The following PCDHGA7 variants were observed in gnomAD, a reference collection of about 807,000 sequenced individuals.
PCDHGA7 encodes the protein protocadherin gamma-A7.
A neutral mutation model predicts 58.3 loss-of-function variants in PCDHGA7; 44 were observed. The ratio of observed to expected loss-of-function variants is 0.75; its 90% CI spans 0.59 to 0.97. PCDHGA7 has a LOEUF of 0.97. Among genes scored for constraint, PCDHGA7 ranks in the 50% least tolerant of loss-of-function variants. The pLI is 0.00. For synonymous variants in PCDHGA7, 516 were observed against 504.2 expected (o/e 1.02, Z -0.31); for missense variants, 1,266 against 1,188.7 (o/e 1.06, Z -0.96).
At chr5:141,410,697 T>G in intron 1 of PCDHGA7, 1 of 1,489,152 alleles carries the variant, frequency 6.7e-7, no homozygotes, top group Non-Finnish European at 9.0e-7. Context: ...TACTTTATTT[T>G]CATATCTAGA....
chr5:141,503,417 A>T (rs1431276679), intron 2 of PCDHGA7, among the ~76,000 whole-genome samples: 2 of 151,968 alleles, frequency 1.3e-5, no homozygotes, highest in Non-Finnish European at 2.9e-5. Flanking sequence ...CAATATGGTG[A>T]AACCCCATCT....
intron 1 of PCDHGA7, chr5:141,394,518 A>C (rs1256235757): frequency 6.2e-7 from 1 of 1,614,094 alleles, no homozygotes; most frequent in Non-Finnish European, 8.5e-7. Flanking sequence ...CGCCCTCCCC[A>C]CAGACGGTTC....
intron 1 of PCDHGA7, chr5:141,413,569 G>A: frequency 1.2e-6 from 2 of 1,613,846 alleles, no homozygotes; most frequent in Non-Finnish European, 1.7e-6. Context: ...TGATATCAAT[G>A]ACAATGCTCC....
At position 141,500,368 on chromosome 5, in the gene PCDHGA7, C is replaced by T. The variant is rs181410708; in HGVS notation, c.2484-5025C>T. Among the ~76,000 whole-genome samples, 364 of 152,050 alleles carry T rather than the reference C, an allele frequency of 2.4e-3. 3 individuals carry two copies. The highest frequency in any genetic ancestry group is 9.2e-3 in the Admixed American group (140 of 15,274). ...GGACTACAGGCGCCCACTACCACGCCCGGCTAATTATTTTGTATTTTTAGT... is the reference window on the plus strand; with the variant it reads ...GGACTACAGGCGCCCACTACCACGCTCGGCTAATTATTTTGTATTTTTAGT... On this transcript the variant is annotated intron_variant, in intron 2 of 3. Transcript: ENST00000518325.
At chr5:141,504,135 C>G (rs758903340) in intron 2 of PCDHGA7, among the ~76,000 whole-genome samples, 215 of 152,306 alleles carry the variant, frequency 1.4e-3, no homozygotes, top group Middle Eastern at 3.4e-3. Context: ...CCCGCCAACA[C>G]TCCCCTGCAA....
chr5:141,510,862 C>CATTCA, intron 3 of PCDHGA7, 85 bp from the exon 4 acceptor site: 1 of 1,606,772 alleles, frequency 6.2e-7, no homozygotes, highest in South Asian at 1.1e-5. Flanking sequence ...GCTGTATAGG[C>CATTCA]ATTCATTAAC....
At chr5:141,408,702 T>C (rs769871063) in intron 1 of PCDHGA7, 6 of 1,613,208 alleles carry the variant, frequency 3.7e-6, no homozygotes, top group South Asian at 3.3e-5. Flanking sequence ...ATAAACTCAA[T>C]TAAAGATTAT....
At chr5:141,422,683 G>A in intron 1 of PCDHGA7, 1 of 1,605,286 alleles carries the variant, frequency 6.2e-7, no homozygotes, top group Non-Finnish European at 8.5e-7. Flanking sequence ...CAAACAGAAT[G>A]CCCTGGTCAC....
Position 141,431,954 on chromosome 5 carries a change from G to T in PCDHGA7, c.2424+46631G>T. On this transcript the variant is annotated intron_variant, in intron 1 of 3. Coordinates refer to ENST00000518325, the MANE Select transcript of PCDHGA7 (RefSeq NM_018920.4). The surrounding 1 kb of genome is among the most constrained non-coding windows in gnomAD (Gnocchi z 4.8). Reference sequence around the variant, plus strand: ...GCCCTTTAAATTAGAAAAATCTTACGGAAATTACTATAGTTTAGTCACAGA... The same window carrying T: ...GCCCTTTAAATTAGAAAAATCTTACTGAAATTACTATAGTTTAGTCACAGA... The T allele has an allele frequency of 6.2e-7, 1 of 1,614,110 alleles. No homozygotes were observed. Among genetic ancestry groups the T allele is most frequent in the Non-Finnish European group, 8.5e-7 (1 of 1,180,010 alleles).
chr5:141,438,685 G>A (rs2098051190), intron 1 of PCDHGA7, among the ~76,000 whole-genome samples: 1 of 143,314 alleles, frequency 7.0e-6, no homozygotes, highest in Non-Finnish European at 1.5e-5. Context: ...GTAGGGGATG[G>A]AGTCTTGCTC....
At chr5:141,396,767 G>A (rs900685366) in intron 1 of PCDHGA7, 1 of 152,338 alleles carries the variant, frequency 6.6e-6, no homozygotes, top group East Asian at 1.9e-4. Context: ...ATAAATGTTT[G>A]TTATTAATGA....
At position 141,384,184 on chromosome 5, in the gene PCDHGA7, A is replaced by T. The variant is rs1179495803; in HGVS notation, c.1285A>T (p.Thr429Ser). The T allele has an allele frequency of 6.2e-7, 1 of 1,613,758 alleles. No homozygotes were observed. Among genetic ancestry groups the T allele is most frequent in the Non-Finnish European group, 8.5e-7 (1 of 1,179,840 alleles). The change falls in exon 1 of 4, where the codon ACT becomes TCT. Residue 429 changes from threonine to serine, a missense_variant. Thr to Ser is a moderately conservative substitution (Grantham distance 58). Coordinates refer to ENST00000518325, the MANE Select transcript of PCDHGA7 (RefSeq NM_018920.4). Reference sequence around the variant, plus strand: ...CACACTGAAAGCCACAGATGGTGGAACTCCTCCCTTGTCCAGGGAAACTCA... The same window carrying T: ...CACACTGAAAGCCACAGATGGTGGATCTCCTCCCTTGTCCAGGGAAACTCA... ...NITLKATDGG[T>S]PPLSRETHIF...
chr5:141,461,371 G>C (rs755281402), intron 1 of PCDHGA7, among the ~76,000 whole-genome samples: 1 of 152,084 alleles, frequency 6.6e-6, no homozygotes, highest in Non-Finnish European at 1.5e-5. Context: ...GTTTTAATTT[G>C]CATTTTCCTG....
Position 141,382,754 on chromosome 5 carries a change from G to A in PCDHGA7, c.-146G>A. On this transcript the variant is annotated 5_prime_UTR_variant, in exon 1 of 4. Coordinates refer to ENST00000518325, the MANE Select transcript of PCDHGA7 (RefSeq NM_018920.4). ...ACAGAGAAACGACAGATTGCGATAA[G>A]CCCTCTTCCAGGCTGCACTAAACTC... 1 of 636,380 alleles carries A rather than the reference G, an allele frequency of 1.6e-6. No homozygotes were observed. Among genetic ancestry groups the A allele is most frequent in the East Asian group, 2.7e-5 (1 of 37,094 alleles). 39.4% of individuals were successfully genotyped at this position (636,380 alleles called of 1,614,324 possible).
chr5:141,398,345 C>T (rs1442407908), intron 1 of PCDHGA7: 29 of 1,379,896 alleles, frequency 2.1e-5, no homozygotes, highest in Non-Finnish European at 2.8e-5. Context: ...TCGGAGAAGC[C>T]TTACTTCACC....
chr5:141,423,806 T>C (rs2096783171), intron 1 of PCDHGA7: 1 of 1,251,576 alleles, frequency 8.0e-7, no homozygotes, highest in Non-Finnish European at 1.0e-6. Flanking sequence ...GCAATACATG[T>C]GAGTTTTACT....
intron 1 of PCDHGA7, among the ~76,000 whole-genome samples, chr5:141,456,266 C>G (rs1273258132): frequency 6.6e-6 from 1 of 152,128 alleles, no homozygotes; most frequent in Non-Finnish European, 1.5e-5. Context: ...TTGCTTCTGG[C>G]TACTTCCTGC....
intron 1 of PCDHGA7, chr5:141,394,255 G>A (rs1321065161): frequency 6.2e-7 from 1 of 1,613,934 alleles, no homozygotes; most frequent in South Asian, 1.1e-5. Flanking sequence ...GACCCCGACA[G>A]CCAGGAGAAT....
At chr5:141,433,926 A>T (rs2154556019) in intron 1 of PCDHGA7, among the ~76,000 whole-genome samples, 1 of 151,830 alleles carries the variant, frequency 6.6e-6, no homozygotes, top group African/African-American at 2.4e-5. Context: ...CCAAATGAAG[A>T]TTTTATAATT....
Sources: allele counts gnomAD v4.1 joint callset (sites outside exome capture counted in the v4.1 genomes callset), GRCh38; gene constraint gnomAD v4.1.1; non-coding constraint Gnocchi (gnomAD v3.1); transcripts MANE v1.5; gene names NCBI Gene and HGNC (gene_info 2026-07-23, HGNC 2026-07-21).